The following ELAVL4 variants were observed in gnomAD, a reference collection of about 807,000 sequenced individuals.
ELAVL4 encodes ELAV like RNA binding protein 4.
In ELAVL4, 1 loss-of-function variant was observed where a neutral mutation model predicts 35.6. That is an observed-to-expected ratio of 0.03 (90% CI 0.01 to 0.13). The LOEUF is 0.13. Ranked by LOEUF, ELAVL4 falls within the 10% of genes least tolerant of loss-of-function variation. ELAVL4 has a pLI of 1.00. For missense variants in ELAVL4, 267 were observed against 464.9 expected, an observed-to-expected ratio of 0.57 and a Z score of 3.91; for synonymous variants, 156 against 171.0, an observed-to-expected ratio of 0.91 and a Z score of 0.69.
chr1:50,149,855 T>A (rs1471393988), intron 2 of ELAVL4, among the ~76,000 whole-genome samples: 1 of 152,082 alleles, frequency 6.6e-6, no homozygotes, highest in Non-Finnish European at 1.5e-5. Context: ...GTGTACTTTG[T>A]TTTTGAGGAC....
At chr1:50,100,389 T>C (rs1391232088), upstream of ELAVL4, among the ~76,000 whole-genome samples, 1 of 152,228 alleles carries the variant, frequency 6.6e-6, no homozygotes, top group Non-Finnish European at 1.5e-5. Flanking sequence ...GGAGCCTTCA[T>C]AGGGGTTCTG....
intron 1 of ELAVL4, among the ~76,000 whole-genome samples, chr1:50,068,472 AG>A (rs1664368214): frequency 6.6e-6 from 1 of 152,122 alleles, no homozygotes; most frequent in Non-Finnish European, 1.5e-5. Context: ...AGAGTGTAGA[AG>A]GGCTTCTGGC....
At chr1:50,190,467 T>C (rs1342537691) in intron 3 of ELAVL4, among the ~76,000 whole-genome samples, 1 of 152,242 alleles carries the variant, frequency 6.6e-6, no homozygotes, top group East Asian at 1.9e-4. Flanking sequence ...TGTTTATCCA[T>C]ACGCCACAGG....
chr1:50,145,957 T>C (rs1432557564), intron 2 of ELAVL4, among the ~76,000 whole-genome samples: 1 of 152,210 alleles, frequency 6.6e-6, no homozygotes, highest in Non-Finnish European at 1.5e-5. Flanking sequence ...GGGGGAAAGT[T>C]TCCCTATAAT....
In ELAVL4 at chr1:50,133,595, AAAGAAAAG is replaced by A. The variant is rs1240506331; in HGVS notation, c.10-11359_10-11352del. ...GAAAGAGAGAGAGAAAGAAAGAAAG[AAAGAAAAG>A]AAAGAAAGAAAGAAAGAAAGAAAGA... is the stretch of plus-strand genomic sequence containing the variant. On this transcript the variant is annotated intron_variant, in intron 1 of 6. Coordinates refer to ENST00000371824, the MANE Select transcript of ELAVL4 (RefSeq NM_001144774.3). Among the ~76,000 whole-genome samples the A allele has an allele frequency of 8.0e-3, 1,029 of 129,350 alleles. 5 individuals carry two copies. Among genetic ancestry groups the A allele is most frequent in the Non-Finnish European group, 0.013 (771 of 61,414 alleles). The allele number at this position is 129,350 out of a possible 152,430, so 84.9% of individuals were successfully genotyped here. A position where few individuals can be genotyped will look rare whatever the true frequency, so the allele number is the denominator to read the frequency against.
chr1:50,123,613 C>T (rs966314358), intron 1 of ELAVL4, among the ~76,000 whole-genome samples: 2 of 152,064 alleles, frequency 1.3e-5, no homozygotes, highest in African/African-American at 2.4e-5. Flanking sequence ...ATCTGTGGCT[C>T]AGGACCAAGT....
chr1:50,192,563 A>ACACACACACC (rs766597516), intron 3 of ELAVL4, among the ~76,000 whole-genome samples: 1 of 144,438 alleles, frequency 6.9e-6, no homozygotes, highest in East Asian at 2.1e-4. Flanking sequence ...ACACACACAC[A>ACACACACACC]CTCTCACCCC....
At chr1:50,188,977 C>T (rs1306824493) in intron 3 of ELAVL4, among the ~76,000 whole-genome samples, 5 of 152,068 alleles carry the variant, frequency 3.3e-5, no homozygotes, top group African/African-American at 9.7e-5. Flanking sequence ...GACTGGGATT[C>T]GTGAAGCAGA....
At chr1:50,144,482 C>T (rs1372644381) in intron 1 of ELAVL4, 3 of 430,034 alleles carry the variant, frequency 7.0e-6, no homozygotes, top group Non-Finnish European at 9.0e-6. Context: ...ATTGAACAAC[C>T]CCACTTAATT....
chr1:50,188,486 A>G (rs560222788), intron 3 of ELAVL4, among the ~76,000 whole-genome samples: 6 of 152,322 alleles, frequency 3.9e-5, no homozygotes, highest in African/African-American at 1.2e-4. Flanking sequence ...TTCTAAACCA[A>G]TTGAGAAGTA....
At chr1:50,058,856 A>G (rs1329861939) in intron 1 of ELAVL4, among the ~76,000 whole-genome samples, 1 of 151,942 alleles carries the variant, frequency 6.6e-6, no homozygotes, top group Non-Finnish European at 1.5e-5. Flanking sequence ...CATCCCCCTG[A>G]GCTTCCCAAA....
chr1:50,118,552 G>T (rs969111090), intron 1 of ELAVL4, among the ~76,000 whole-genome samples: 1 of 151,978 alleles, frequency 6.6e-6, no homozygotes, highest in African/African-American at 2.4e-5. Context: ...TGGCGTAGTT[G>T]TTGATTACAC....
intron 1 of ELAVL4, among the ~76,000 whole-genome samples, chr1:50,132,328 A>G (rs929668386): frequency 1.3e-5 from 2 of 152,160 alleles, no homozygotes; most frequent in Admixed American, 6.6e-5. Flanking sequence ...CTGTTGTGTG[A>G]TTGGGCAGAT....
intron 2 of ELAVL4, chr1:50,174,758 T>C (rs1320155759): frequency 6.6e-6 from 1 of 152,118 alleles, no homozygotes; most frequent in African/African-American, 2.4e-5. Flanking sequence ...AAAAATAAAA[T>C]ATAGAATGTG....
At chr1:50,106,427 A>G (rs777949223), upstream of ELAVL4, 1 of 1,545,592 alleles carries the variant, frequency 6.5e-7, no homozygotes, top group South Asian at 1.1e-5. Flanking sequence ...GCAGCCCCAC[A>G]GTGCTGGGAT....
chr1:50,145,183 G>A lies in ELAVL4; in HGVS notation c.236G>A (p.Arg79Lys). Residue 79 changes from arginine (R) to lysine (K), a missense_variant, in exon 2 of 7, where the codon AGA (arginine) becomes AAA (lysine). Arg to Lys is a conservative substitution (Grantham distance 26). Transcript: ENST00000371824. Reference protein sequence around the residue: ...IGEIESCKLVRDKITGQSLGY... With the variant: ...IGEIESCKLVKDKITGQSLGY... ...GAAATAGAATCCTGCAAACTTGTGAGAGACAAAATTACAGGTATGCACAGG... is the reference window on the plus strand; with the variant it reads ...GAAATAGAATCCTGCAAACTTGTGAAAGACAAAATTACAGGTATGCACAGG... The A allele has an allele frequency of 1.2e-6, 2 of 1,613,964 alleles. No individual in the cohort carries two copies. Among genetic ancestry groups the A allele is most frequent in the Non-Finnish European group, 1.7e-6 (2 of 1,179,890 alleles).
intron 1 of ELAVL4, among the ~76,000 whole-genome samples, chr1:50,055,596 A>G (rs1378096921): frequency 6.6e-6 from 1 of 151,398 alleles, no homozygotes; most frequent in African/African-American, 2.4e-5. Context: ...ACCATGCCCA[A>G]CAATCAATTT....
chr1:50,185,146 C>T (rs2148855647), intron 3 of ELAVL4, among the ~76,000 whole-genome samples: 1 of 152,248 alleles, frequency 6.6e-6, no homozygotes, highest in South Asian at 2.1e-4. Flanking sequence ...ATTAAAGACT[C>T]ATTTCTCCAT....
chr1:50,159,333 C>T (rs1173236357), intron 2 of ELAVL4, among the ~76,000 whole-genome samples: 1 of 152,154 alleles, frequency 6.6e-6, no homozygotes, highest in Non-Finnish European at 1.5e-5. Flanking sequence ...ATTGGTGGGG[C>T]ATGGTGCCTC....
Sources: allele counts gnomAD v4.1 joint callset (sites outside exome capture counted in the v4.1 genomes callset), GRCh38; gene constraint gnomAD v4.1.1; transcripts MANE v1.5; gene names NCBI Gene and HGNC (gene_info 2026-07-23, HGNC 2026-07-21).